The following FAM184A variants were observed in gnomAD, a reference collection of about 807,000 sequenced individuals.
The protein encoded by FAM184A is family with sequence similarity 184 member A, also known as protein FAM184A.
Under a neutral mutation model 143.8 loss-of-function variants are expected in FAM184A, and 99 were observed. The ratio of observed to expected loss-of-function variants is 0.69; its 90% CI spans 0.58 to 0.81. The LOEUF is 0.81. FAM184A is among the 40% of genes least tolerant of loss of function. The pLI is 0.00. For missense variants in FAM184A, 1,217 were observed against 1,310.5 expected, an observed-to-expected ratio of 0.93 and a Z score of 1.10; for synonymous variants, 427 against 446.4, an observed-to-expected ratio of 0.96 and a Z score of 0.55.
chr6:119,097,630 T>C (rs1788541135), intron 1 of FAM184A, among the ~76,000 whole-genome samples: 1 of 152,186 alleles, frequency 6.6e-6, no homozygotes, highest in Non-Finnish European at 1.5e-5. Context: ...ATCATATCTT[T>C]CGCTCAAGGT....
At chr6:119,070,169 A>C (rs1240477242) in intron 1 of FAM184A, among the ~76,000 whole-genome samples, 1 of 152,168 alleles carries the variant, frequency 6.6e-6, no homozygotes, top group Admixed American at 6.5e-5. Flanking sequence ...ATCTCAAGAT[A>C]ATAGTGTAAG....
rs549565154 is a variant in FAM184A, at chr6:119,068,205, C to T, written c.159+9936G>A. The stretch of plus-strand genomic sequence containing the variant: ...GGGATTACAGGCATGCACCACCACA[C>T]TCGGCTAATTTTTGTATTTTTAGTA... On this transcript the variant is annotated intron_variant, in intron 1 of 17. Transcript: ENST00000338891. 2.6e-5 allele frequency among the ~76,000 whole-genome samples: 4 copies of T among 152,092 alleles called. No individual in the cohort carries two copies. In the South Asian group the frequency reaches 6.2e-4, roughly 24 times the overall value.
At chr6:119,148,837 A>G (rs1772545093) in intron 1 of FAM184A, among the ~76,000 whole-genome samples, 1 of 152,002 alleles carries the variant, frequency 6.6e-6, no homozygotes, top group South Asian at 2.1e-4. Context: ...GAAAACTGGT[A>G]ATGGTCAATA....
intron 3 of FAM184A, among the ~76,000 whole-genome samples, chr6:119,022,664 C>T (rs907429935): frequency 2.0e-5 from 3 of 152,056 alleles, no homozygotes; most frequent in African/African-American, 7.3e-5. Flanking sequence ...TGCCTGAGCT[C>T]AGGAGTTCGA....
chr6:119,001,539 A>T (rs183248093), intron 9 of FAM184A, among the ~76,000 whole-genome samples: 1 of 152,268 alleles, frequency 6.6e-6, no homozygotes, highest in African/African-American at 2.4e-5. Context: ...TCAGGAAAGA[A>T]CTGCAGAATA....
In FAM184A at chr6:119,124,985, T is replaced by C. The variant is rs373018340; in HGVS notation, c.-202+24093A>G. ...CAGTTCCCTAGAACTCCTGTTATTA[T>C]ATTGTATTATGTATTGTAATTAAGC... is the stretch of plus-strand genomic sequence containing the variant. On this transcript the variant is annotated intron_variant, in intron 1 of 16. Coordinates refer to the FAM184A transcript ENST00000352896. Among the ~76,000 whole-genome samples, 3 of 152,330 alleles carry C rather than the reference T, an allele frequency of 2.0e-5. No individual in the cohort carries two copies. The South Asian group carries it at 6.2e-4, about 32-fold the overall frequency.
intron 1 of FAM184A, among the ~76,000 whole-genome samples, chr6:119,047,518 G>A (rs901412951): frequency 2.6e-5 from 4 of 152,050 alleles, no homozygotes; most frequent in African/African-American, 4.8e-5. Context: ...AGAAAATGTC[G>A]TACACAATTG....
intron 6 of FAM184A, among the ~76,000 whole-genome samples, chr6:119,008,950 T>C (rs1400886773): frequency 6.6e-6 from 1 of 152,220 alleles, no homozygotes; most frequent in Non-Finnish European, 1.5e-5. Context: ...AACCTCAGCA[T>C]GGCATCCCTT....
chr6:119,077,050 C>T (rs781715914), intron 1 of FAM184A, among the ~76,000 whole-genome samples: 1 of 152,080 alleles, frequency 6.6e-6, no homozygotes, highest in African/African-American at 2.4e-5. Context: ...TCTTTTCTAT[C>T]CTCAATCACA....
rs1304765237 is a variant in FAM184A, at chr6:119,035,646, G to A, written c.160-10833C>T. Among the ~76,000 whole-genome samples, 4 of 152,210 alleles carry A rather than the reference G, an allele frequency of 2.6e-5. No individual in the cohort carries two copies. The East Asian group carries it at 7.7e-4, about 29-fold the overall frequency. ...AGGTCTGATAAGAGCTCTGAAGCCT[G>A]CCACCTGGAGGCTTCATCTGCATGA... On this transcript the variant is annotated intron_variant, in intron 1 of 17. Coordinates refer to ENST00000338891, the MANE Select transcript of FAM184A (RefSeq NM_024581.6).
At chr6:119,142,168 G>C (rs953556764) in intron 1 of FAM184A, among the ~76,000 whole-genome samples, 7 of 152,128 alleles carry the variant, frequency 4.6e-5, no homozygotes, top group Non-Finnish European at 5.9e-5. Flanking sequence ...TGTTATGCAG[G>C]ACTCGGGCGA....
At chr6:118,996,412 T>A (rs1784548439) in intron 9 of FAM184A, among the ~76,000 whole-genome samples, 1 of 152,238 alleles carries the variant, frequency 6.6e-6, no homozygotes, top group African/African-American at 2.4e-5. Flanking sequence ...TAGACTTTAA[T>A]TCCATTCCAC....
chr6:118,995,891 C>CA (rs1444588468), intron 9 of FAM184A, among the ~76,000 whole-genome samples: 1 of 152,186 alleles, frequency 6.6e-6, no homozygotes, highest in East Asian at 1.9e-4. Flanking sequence ...TGGGCTGCAG[C>CA]ACCTCTGAAG....
chr6:119,035,758 A>T (rs996586068), intron 1 of FAM184A, among the ~76,000 whole-genome samples: 12 of 152,056 alleles, frequency 7.9e-5, no homozygotes, highest in African/African-American at 2.9e-4. Flanking sequence ...GCCAAAAAAA[A>T]TTTTTTTTGA....
intron 1 of FAM184A, among the ~76,000 whole-genome samples, chr6:119,112,251 C>A (rs1788952030): frequency 6.6e-6 from 1 of 152,032 alleles, no homozygotes; most frequent in Non-Finnish European, 1.5e-5. Context: ...CCTGCCTCAG[C>A]CTCCTCAGTA....
intron 14 of FAM184A, among the ~76,000 whole-genome samples, chr6:118,972,915 GAGCTGTTATACA>G (rs1435490867): frequency 6.6e-6 from 1 of 152,116 alleles, no homozygotes; most frequent in South Asian, 2.1e-4. Context: ...ATGGGGTTAT[GAGCTGTTATACA>G]AGGCAGATAC....
rs766749171 is a variant in FAM184A, at chr6:119,023,976, C to T, written c.997G>A (p.Ala333Thr). 1.3e-6 allele frequency: 2 copies of T among 1,594,554 alleles called. No homozygotes were observed. The highest frequency in any genetic ancestry group is 2.3e-5 in the South Asian group (2 of 87,430). ...TTACTTACCTGAACATTGTTCTCTG[C>T]TATGGCAAGTGCCGTCTGAAGCTTT... ...CQKLQTALAIAENNVQVLQKQ... is the reference protein window; with the variant it reads ...CQKLQTALAITENNVQVLQKQ... Residue 333 changes from alanine (A) to threonine (T), a missense_variant, in exon 2 of 18, where the codon GCA becomes ACA. Coordinates refer to ENST00000338891, the MANE Select transcript of FAM184A (RefSeq NM_024581.6).
intron 5 of FAM184A, among the ~76,000 whole-genome samples, chr6:119,012,520 A>C (rs1015149110): frequency 5.3e-5 from 8 of 152,244 alleles, no homozygotes; most frequent in African/African-American, 1.7e-4. Flanking sequence ...TGTTGTCCTT[A>C]TACAAGACAG....
At chr6:119,080,741 C>T (rs1788039035), upstream of FAM184A, among the ~76,000 whole-genome samples, 1 of 152,140 alleles carries the variant, frequency 6.6e-6, no homozygotes, top group South Asian at 2.1e-4. Flanking sequence ...TGGCACTCAA[C>T]ATTTCTGGTT....
Sources: allele counts gnomAD v4.1 joint callset (sites outside exome capture counted in the v4.1 genomes callset), GRCh38; gene constraint gnomAD v4.1.1; transcripts MANE v1.5; gene names NCBI Gene and HGNC (gene_info 2026-07-23, HGNC 2026-07-21).